Variants in NPR3 observed in about 807,000 individuals in gnomAD.
The protein encoded by NPR3 is natriuretic peptide receptor 3, also known as atrial natriuretic peptide receptor 3.
Under a neutral mutation model 54.5 loss-of-function variants are expected in NPR3, and 34 were observed. That is an observed-to-expected ratio of 0.62 (90% CI 0.47 to 0.83). The LOEUF (loss-of-function observed/expected upper bound fraction) is 0.83, where lower values mean the gene tolerates loss of function less well. NPR3 is among the 40% of genes least tolerant of loss of function. NPR3 has a pLI of 0.00. For missense variants in NPR3, 674 were observed against 720.8 expected (o/e 0.94, Z 0.74); for synonymous variants, 289 against 297.1 (o/e 0.97, Z 0.28).
intron 3 of NPR3, among the ~76,000 whole-genome samples, chr5:32,757,914 C>T (rs1045973033): frequency 7.2e-5 from 11 of 152,136 alleles, no homozygotes; most frequent in South Asian, 2.1e-4. Flanking sequence ...TATTGATTTG[C>T]GTATGTTGAA....
intron 6 of NPR3, among the ~76,000 whole-genome samples, chr5:32,783,888 A>T (rs1742464406): frequency 6.6e-6 from 1 of 152,162 alleles, no homozygotes; most frequent in African/African-American, 2.4e-5. Flanking sequence ...TGTTTTGAGG[A>T]TTACACAAGA....
chr5:32,712,296 C>T lies in NPR3; in HGVS notation c.520C>T (p.Leu174Phe). The change falls in exon 1 of 8, where the codon CTC (leucine) becomes TTC (phenylalanine). Residue 174 changes from leucine (L) to phenylalanine (F), a missense_variant. Leu to Phe is a conservative substitution (Grantham distance 22, BLOSUM62 0). Coordinates refer to ENST00000265074, the MANE Select transcript of NPR3 (RefSeq NM_001204375.2). Reference sequence around the variant, plus strand: ...GCACAAGGACTCTGAGTACTCGCACCTCACGCGCGTGGCGCCCGCCTACGC... The same window carrying T: ...GCACAAGGACTCTGAGTACTCGCACTTCACGCGCGTGGCGCCCGCCTACGC... ...FQHKDSEYSH[L>F]TRVAPAYAKM... 2 of 1,613,214 alleles carry T rather than the reference C, an allele frequency of 1.2e-6. No individual in the cohort carries two copies. The highest frequency in any genetic ancestry group is 1.7e-6 in the Non-Finnish European group (2 of 1,179,796).
intron 2 of NPR3, among the ~76,000 whole-genome samples, chr5:32,730,117 C>T (rs1324522202): frequency 6.6e-6 from 1 of 151,890 alleles, no homozygotes; most frequent in Admixed American, 6.6e-5. Context: ...TTCACTATGA[C>T]CAAGCGGGGT....
chr5:32,723,688 A>T (rs1460970076), intron 1 of NPR3, among the ~76,000 whole-genome samples: 1 of 152,208 alleles, frequency 6.6e-6, no homozygotes, highest in Non-Finnish European at 1.5e-5. Context: ...AGTTTTTTTT[A>T]AAAGAACTTT....
chr5:32,692,894 G>C (rs1308752946), intron 1 of NPR3, among the ~76,000 whole-genome samples: 1 of 152,194 alleles, frequency 6.6e-6, no homozygotes, highest in Non-Finnish European at 1.5e-5. Flanking sequence ...GCCAAGGTGG[G>C]ATCGTCAGTT....
rs1220561548 is a variant in NPR3 at position 32,712,351 on chromosome 5, T to A, written c.575T>A (p.Phe192Tyr). The A allele has an allele frequency of 1.2e-6, 2 of 1,612,952 alleles. No homozygotes were observed. The highest frequency in any genetic ancestry group is 3.3e-5 in the Admixed American group (2 of 59,970). The change falls in exon 1 of 8, where the codon TTC (phenylalanine) becomes TAC (tyrosine). Residue 192 changes from phenylalanine (F) to tyrosine (Y), a missense_variant. Phe to Tyr is a conservative substitution (Grantham distance 22). Transcript: ENST00000265074. ...ATGGGCGAGATGATGCTCGCCCTGT[T>A]CCGCCACCACCACTGGAGCCGCGCT... ...AKMGEMMLAL[F>Y]RHHHWSRAAL...
chr5:32,695,608 A>G (rs1211142595), intron 1 of NPR3, among the ~76,000 whole-genome samples: 2 of 152,208 alleles, frequency 1.3e-5, no homozygotes, highest in African/African-American at 4.8e-5. Context: ...CCTGTTCTCC[A>G]TAGTGGTTAT....
chr5:32,769,238 T>C (rs1741626818), intron 3 of NPR3, among the ~76,000 whole-genome samples: 1 of 152,194 alleles, frequency 6.6e-6, no homozygotes, highest in Admixed American at 6.5e-5. Flanking sequence ...CAAAAATCGA[T>C]ATTCTATTTT....
At chr5:32,728,837 G>T (rs2446109) in intron 2 of NPR3, among the ~76,000 whole-genome samples, 1 of 48,012 alleles carries the variant, frequency 2.1e-5, no homozygotes, top group East Asian at 1.1e-3. Flanking sequence ...GTGTGTGTGT[G>T]TATATATATA....
intron 3 of NPR3, among the ~76,000 whole-genome samples, chr5:32,766,635 ATTATTG>A (rs1216841165): frequency 3.3e-5 from 5 of 152,178 alleles, no homozygotes; most frequent in Non-Finnish European, 7.4e-5. Flanking sequence ...TATTATTATT[ATTATTG>A]TTATTTATCA....
At chr5:32,761,856 A>G (rs1741182988) in intron 3 of NPR3, among the ~76,000 whole-genome samples, 1 of 151,636 alleles carries the variant, frequency 6.6e-6, no homozygotes, top group South Asian at 2.1e-4. Context: ...GGTTTGTTAC[A>G]TAGGTATACA....
chr5:32,768,053 T>C (rs955249668), intron 3 of NPR3, among the ~76,000 whole-genome samples: 7 of 152,168 alleles, frequency 4.6e-5, no homozygotes, highest in Non-Finnish European at 1.0e-4. Context: ...GGATGCCTGC[T>C]CCTGATCCTG....
rs186004720 is a variant in NPR3, at chr5:32,756,373, A to T, written c.1059+17343A>T. Reference sequence around the variant, plus strand: ...GGCCAGTGATGATGAGCATTTTTTCATGTGTCTGTTGACTGCATAAATGTC... The same window carrying T: ...GGCCAGTGATGATGAGCATTTTTTCTTGTGTCTGTTGACTGCATAAATGTC... On this transcript the variant is annotated intron_variant, in intron 3 of 7. Coordinates refer to ENST00000265074, the MANE Select transcript of NPR3 (RefSeq NM_001204375.2). Among the ~76,000 whole-genome samples, 92 of 152,236 alleles carry T rather than the reference A, an allele frequency of 6.0e-4. 1 individual carries two copies. Among genetic ancestry groups the T allele is most frequent in the African/African-American group, 2.0e-3 (85 of 41,532 alleles).
chr5:32,773,602 C>T (rs1164640806), intron 3 of NPR3, among the ~76,000 whole-genome samples: 1 of 152,062 alleles, frequency 6.6e-6, no homozygotes, highest in Non-Finnish European at 1.5e-5. Context: ...AGAAACATCC[C>T]TTCATCTTCA....
At chr5:32,752,348 C>T (rs149394367) in intron 3 of NPR3, among the ~76,000 whole-genome samples, 38 of 152,280 alleles carry the variant, frequency 2.5e-4, no homozygotes, top group Non-Finnish European at 5.0e-4. Flanking sequence ...AAATCTTGGC[C>T]AGACACTTCC....
intron 7 of NPR3, among the ~76,000 whole-genome samples, chr5:32,785,653 A>G (rs1299011382): frequency 6.6e-6 from 1 of 152,166 alleles, no homozygotes; most frequent in African/African-American, 2.4e-5. Context: ...CAGTATCTGG[A>G]GAGCCCACAT....
At chr5:32,784,355 AT>A (rs1398913265) in intron 6 of NPR3, among the ~76,000 whole-genome samples, 7 of 152,054 alleles carry the variant, frequency 4.6e-5, no homozygotes, top group African/African-American at 1.7e-4. Context: ...CACCCAGCTG[AT>A]TTTTGTATTT....
intron 3 of NPR3, among the ~76,000 whole-genome samples, chr5:32,751,525 G>A (rs887709819): frequency 1.3e-5 from 2 of 152,208 alleles, no homozygotes; most frequent in Non-Finnish European, 2.9e-5. Flanking sequence ...GGTATTCTGA[G>A]CAGGGGGTGA....
At chr5:32,750,827 T>A (rs773653846) in intron 3 of NPR3, among the ~76,000 whole-genome samples, 1 of 152,214 alleles carries the variant, frequency 6.6e-6, no homozygotes, top group Non-Finnish European at 1.5e-5. Flanking sequence ...TGGACATACC[T>A]GACTTCTGTG....
Sources: allele counts gnomAD v4.1 joint callset (sites outside exome capture counted in the v4.1 genomes callset), GRCh38; gene constraint gnomAD v4.1.1; transcripts MANE v1.5; gene names NCBI Gene and HGNC (gene_info 2026-07-23, HGNC 2026-07-21).